MGAT5: variants seen among roughly 807,000 people sequenced by gnomAD.
MGAT5 encodes alpha-1,6-mannosylglycoprotein 6-beta-N-acetylglucosaminyltransferase A.
In MGAT5, 30 loss-of-function variants were observed where a neutral mutation model predicts 94.3. The ratio of observed to expected loss-of-function variants is 0.32; its 90% CI spans 0.24 to 0.43. The LOEUF (loss-of-function observed/expected upper bound fraction) is 0.43. Ranked by LOEUF, MGAT5 falls within the 20% of genes least tolerant of loss-of-function variation. The probability of loss-of-function intolerance (pLI) is 1.00; values close to 1 mark genes in which losing one functional copy is unlikely to be tolerated. For missense variants in MGAT5, 691 were observed against 905.5 expected, an observed-to-expected ratio of 0.76 and a Z score of 3.04; for synonymous variants, 310 against 322.9, an observed-to-expected ratio of 0.96 and a Z score of 0.43.
chr2:134,120,176 C>G (rs1400926703), upstream of MGAT5: 7 of 188,408 alleles, frequency 3.7e-5, no homozygotes, highest in Non-Finnish European at 6.5e-5. Flanking sequence ...GCCCCGGGCG[C>G]GATCCAGCCC....
In MGAT5 at chr2:134,193,437, G is replaced by T. The variant is rs75070018; in HGVS notation, c.-142-60825G>T. 0.015 allele frequency among the ~76,000 whole-genome samples: 2,308 copies of T among 152,240 alleles called. 197 individuals carry two copies. In the East Asian group the frequency reaches 0.25, roughly 16 times the overall value. On this transcript the variant is annotated intron_variant, in intron 1 of 16. Coordinates refer to the MGAT5 transcript ENST00000409645. ...CTGTTACATGAGGTTAAAAGAGAAC[G>T]ATCCCCAGGGGGAGAACCTGGCAAA...
At chr2:134,446,250 G>A (rs760472701) in intron 15 of MGAT5, among the ~76,000 whole-genome samples, 10 of 152,032 alleles carry the variant, frequency 6.6e-5, no homozygotes, top group Non-Finnish European at 1.3e-4. Context: ...CTTCTACCCC[G>A]GGAGATGGTG....
intron 1 of MGAT5, among the ~76,000 whole-genome samples, chr2:134,244,689 A>C (rs1295538729): frequency 6.6e-6 from 1 of 152,188 alleles, no homozygotes; most frequent in African/African-American, 2.4e-5. Context: ...TTACATGGGC[A>C]GAACCTGTCT....
chr2:134,277,567 T>A (rs1311270581), intron 2 of MGAT5, among the ~76,000 whole-genome samples: 1 of 152,136 alleles, frequency 6.6e-6, no homozygotes, highest in Non-Finnish European at 1.5e-5. Context: ...CTCCCTCCCC[T>A]GACATGGGAT....
intron 1 of MGAT5, among the ~76,000 whole-genome samples, chr2:134,230,568 A>G (rs1312737469): frequency 1.3e-5 from 2 of 152,200 alleles, no homozygotes; most frequent in African/African-American, 4.8e-5. Flanking sequence ...TCTGCTCTTT[A>G]TACATTCTAT....
Position 134,335,748 on chromosome 2 carries a change from G to A in MGAT5, c.574-469G>A, listed in dbSNP as rs192895895. 7.2e-5 allele frequency among the ~76,000 whole-genome samples: 11 copies of A among 152,218 alleles called. 1 individual carries two copies. The highest frequency in any genetic ancestry group is 2.4e-4 in the African/African-American group (10 of 41,544). On this transcript the variant is annotated intron_variant, in intron 4 of 15. Coordinates refer to ENST00000281923, the MANE Select transcript of MGAT5 (RefSeq NM_002410.5). ...AGCTATCAGTGGCATTCCTAACTCA[G>A]ATAAAGGATTGAGTTCTGTGGCTCC...
intron 2 of MGAT5, among the ~76,000 whole-genome samples, chr2:134,287,537 G>T (rs1026709819): frequency 6.6e-6 from 1 of 152,084 alleles, no homozygotes; most frequent in African/African-American, 2.4e-5. Flanking sequence ...CAGCTGCTGG[G>T]CCACCTCCTA....
intron 4 of MGAT5, among the ~76,000 whole-genome samples, chr2:134,325,786 C>G (rs1008829257): frequency 1.3e-5 from 2 of 152,046 alleles, no homozygotes; most frequent in African/African-American, 4.8e-5. Context: ...TCTCTTCCGT[C>G]TCTTACTTTT....
intron 2 of MGAT5, among the ~76,000 whole-genome samples, chr2:134,288,448 A>G (rs866098048): frequency 4.6e-5 from 7 of 152,052 alleles, no homozygotes; most frequent in Non-Finnish European, 8.8e-5. Context: ...TCACAATATC[A>G]GAAATTGAGT....
intron 14 of MGAT5, among the ~76,000 whole-genome samples, chr2:134,438,001 C>T (rs1408800777): frequency 7.3e-6 from 1 of 137,406 alleles, no homozygotes; most frequent in East Asian, 2.1e-4. Flanking sequence ...GGTGACACAG[C>T]GAGACTCCGT....
intron 1 of MGAT5, among the ~76,000 whole-genome samples, chr2:134,145,212 C>CTG (rs1350453588): frequency 0.014 from 1,584 of 113,738 alleles, 14 homozygotes; most frequent in South Asian, 0.032. Flanking sequence ...GTGTCTCTCT[C>CTG]TCTGTGTGTG....
chr2:134,216,266 T>C (rs1418361555), intron 1 of MGAT5, among the ~76,000 whole-genome samples: 1 of 152,220 alleles, frequency 6.6e-6, no homozygotes, highest in African/African-American at 2.4e-5. Flanking sequence ...CTTATAGTTC[T>C]ATACAGGGCC....
chr2:134,369,943 A>C (rs1387391254), intron 10 of MGAT5, among the ~76,000 whole-genome samples: 5 of 152,220 alleles, frequency 3.3e-5, no homozygotes, highest in Non-Finnish European at 7.3e-5. Context: ...TCAACAGAGC[A>C]GTTCTAATAT....
chr2:134,243,268 T>C (rs1028830421), intron 1 of MGAT5, among the ~76,000 whole-genome samples: 3 of 152,138 alleles, frequency 2.0e-5, no homozygotes, highest in Non-Finnish European at 4.4e-5. Flanking sequence ...CTCTATTTTT[T>C]AAAGAGCAGT....
chr2:134,165,605 C>G (rs1326198793), intron 1 of MGAT5, among the ~76,000 whole-genome samples: 1 of 152,140 alleles, frequency 6.6e-6, no homozygotes, highest in Admixed American at 6.5e-5. Flanking sequence ...GAAACCCCAT[C>G]TCTCCTAAAA....
At chr2:134,190,534 T>C (rs1374932890) in intron 1 of MGAT5, among the ~76,000 whole-genome samples, 1 of 152,216 alleles carries the variant, frequency 6.6e-6, no homozygotes, top group Non-Finnish European at 1.5e-5. Flanking sequence ...AAAAATTGTG[T>C]AGACTAGCAT....
At chr2:134,444,517 G>A (rs960585610) in intron 15 of MGAT5, among the ~76,000 whole-genome samples, 1 of 152,202 alleles carries the variant, frequency 6.6e-6, no homozygotes. Flanking sequence ...TGATAATGTT[G>A]TAAAACCCCT....
chr2:134,233,932 G>A (rs1161307339), intron 1 of MGAT5, among the ~76,000 whole-genome samples: 3 of 152,182 alleles, frequency 2.0e-5, no homozygotes, highest in Admixed American at 6.5e-5. Flanking sequence ...GAATAATTCC[G>A]AAGCAGACTT....
chr2:134,213,076 A>AT (rs1680286155), intron 1 of MGAT5, among the ~76,000 whole-genome samples: 1 of 152,020 alleles, frequency 6.6e-6, no homozygotes, highest in African/African-American at 2.4e-5. Context: ...TTTGCATTTT[A>AT]TTTTCAGGAA....
Sources: allele counts gnomAD v4.1 joint callset (sites outside exome capture counted in the v4.1 genomes callset), GRCh38; gene constraint gnomAD v4.1.1; transcripts MANE v1.5; gene names NCBI Gene and HGNC (gene_info 2026-07-23, HGNC 2026-07-21).